The following SORCS3 variants were observed in gnomAD, a reference collection of about 807,000 sequenced individuals.
SORCS3 encodes the protein VPS10 domain-containing receptor SorCS3.
A neutral mutation model predicts 146.3 loss-of-function variants in SORCS3; 57 were observed. That is an observed-to-expected ratio of 0.39 (90% CI 0.31 to 0.49). The LOEUF is 0.49. Among genes scored for constraint, SORCS3 ranks in the 20% least tolerant of loss-of-function variants. The probability of loss-of-function intolerance (pLI) is 0.92; values close to 1 mark genes in which losing one functional copy is unlikely to be tolerated. For synonymous variants in SORCS3, 653 were observed against 618.5 expected (o/e 1.06, Z -0.83); for missense variants, 1,341 against 1,575.5 (o/e 0.85, Z 2.52).
At chr10:104,727,565 A>AT (rs2016652456) in intron 1 of SORCS3, among the ~76,000 whole-genome samples, 2 of 149,792 alleles carry the variant, frequency 1.3e-5, no homozygotes, top group Admixed American at 6.7e-5. Context: ...ATATATATAT[A>AT]AGATGCATAC....
chr10:104,799,439 C>T (rs2017598155), intron 1 of SORCS3, among the ~76,000 whole-genome samples: 1 of 151,952 alleles, frequency 6.6e-6, no homozygotes, highest in Non-Finnish European at 1.5e-5. Context: ...CAAGCTATCA[C>T]AAGATCAGAA....
At chr10:105,089,902 C>A in intron 6 of SORCS3, 63 bp downstream of exon 6, 2 of 1,321,176 alleles carry the variant, frequency 1.5e-6, no homozygotes, top group Non-Finnish European at 2.2e-6. Flanking sequence ...TGTCCTCCCC[C>A]AATTTGCATT....
intron 14 of SORCS3, among the ~76,000 whole-genome samples, chr10:105,186,748 G>A (rs1207548776): frequency 6.6e-6 from 1 of 152,002 alleles, no homozygotes; most frequent in Non-Finnish European, 1.5e-5. Flanking sequence ...GCTGGGCGTA[G>A]TGGTGGGCAC....
At chr10:104,962,662 G>A (rs963464896) in intron 3 of SORCS3, among the ~76,000 whole-genome samples, 1 of 152,170 alleles carries the variant, frequency 6.6e-6, no homozygotes, top group Non-Finnish European at 1.5e-5. Context: ...CCAAGAGCAG[G>A]CAATGCGTAG....
At chr10:104,804,026 A>G (rs2133512193) in intron 1 of SORCS3, among the ~76,000 whole-genome samples, 1 of 152,254 alleles carries the variant, frequency 6.6e-6, no homozygotes, top group East Asian at 1.9e-4. Context: ...TCTATTCACA[A>G]GTTTGTGGAG....
At chr10:104,675,712 G>A (rs903271520) in intron 1 of SORCS3, among the ~76,000 whole-genome samples, 1 of 152,142 alleles carries the variant, frequency 6.6e-6, no homozygotes, top group Non-Finnish European at 1.5e-5. Context: ...TGGTTCCATT[G>A]CTCTATTTTC....
chr10:104,972,734 G>A (rs1346052614), intron 3 of SORCS3, among the ~76,000 whole-genome samples: 1 of 152,134 alleles, frequency 6.6e-6, no homozygotes, highest in East Asian at 1.9e-4. Context: ...ACACTATGTT[G>A]AATAGGAGTG....
intron 5 of SORCS3, among the ~76,000 whole-genome samples, chr10:105,082,672 C>T (rs1289248707): frequency 6.6e-6 from 1 of 152,144 alleles, no homozygotes; most frequent in Non-Finnish European, 1.5e-5. Context: ...TTTCCCCAGT[C>T]ATTAATGTTA....
At chr10:104,937,670 C>T (rs2019273981) in intron 3 of SORCS3, among the ~76,000 whole-genome samples, 1 of 152,184 alleles carries the variant, frequency 6.6e-6, no homozygotes, top group South Asian at 2.1e-4. Flanking sequence ...GCAACCCTTC[C>T]CCACTCCAGC....
rs532775312 is a variant in SORCS3 at position 104,771,699 on chromosome 10, A to G, written c.628-71093A>G. ...GGTGCAAAGTTTGGTACAAGTGCCA[A>G]TGCACTCAAAGGATAAGGAGTAGTC... On this transcript the variant is annotated intron_variant, in intron 1 of 26. Coordinates refer to ENST00000369701, the MANE Select transcript of SORCS3 (RefSeq NM_014978.3). 2.0e-5 allele frequency among the ~76,000 whole-genome samples: 3 copies of G among 152,220 alleles called. No individual in the cohort carries two copies. In the South Asian group the frequency reaches 6.2e-4, roughly 32 times the overall value.
intron 3 of SORCS3, among the ~76,000 whole-genome samples, chr10:104,942,254 A>G (rs190706455): frequency 6.6e-6 from 1 of 152,292 alleles, no homozygotes; most frequent in African/African-American, 2.4e-5. Flanking sequence ...CTGCTGAAAT[A>G]TTTTGGAATA....
intron 5 of SORCS3, among the ~76,000 whole-genome samples, chr10:105,068,333 C>T (rs144430653): frequency 3.8e-4 from 58 of 152,308 alleles, no homozygotes; most frequent in African/African-American, 1.4e-3. Flanking sequence ...TCCCTCTGAA[C>T]AGCAGGGTCC....
At chr10:104,835,285 T>C (rs1720831041) in intron 1 of SORCS3, among the ~76,000 whole-genome samples, 1 of 152,108 alleles carries the variant, frequency 6.6e-6, no homozygotes, top group Non-Finnish European at 1.5e-5. Flanking sequence ...CCCCGAAGTG[T>C]ATGTTTTAGC....
chr10:104,974,737 T>A (rs1404876409), intron 3 of SORCS3, among the ~76,000 whole-genome samples: 1 of 152,162 alleles, frequency 6.6e-6, no homozygotes, highest in Non-Finnish European at 1.5e-5. Context: ...ATCCTGTCAT[T>A]ATGATGTTAG....
chr10:105,148,525 A>C (rs2056147894), intron 9 of SORCS3, among the ~76,000 whole-genome samples: 1 of 152,136 alleles, frequency 6.6e-6, no homozygotes, highest in Admixed American at 6.6e-5. Flanking sequence ...CCAGTGAAGG[A>C]ACTTGACTGA....
chr10:105,163,859 C>A (rs536776436), intron 11 of SORCS3, among the ~76,000 whole-genome samples: 1 of 147,876 alleles, frequency 6.8e-6, no homozygotes, highest in Admixed American at 6.9e-5. Flanking sequence ...TTCAAACATA[C>A]ACACAGACAC....
At chr10:105,247,174 C>T (rs367735591) in intron 21 of SORCS3, 45 bp from the exon 22 acceptor site, 105 of 1,147,750 alleles carry the variant, frequency 9.1e-5, no homozygotes, top group South Asian at 7.8e-4. Context: ...CACCCTCTCT[C>T]TTCTCACTCT....
Position 104,970,207 on chromosome 10 carries a change from C to T in SORCS3, c.796-7128C>T, listed in dbSNP as rs536812330. Among the ~76,000 whole-genome samples the T allele has an allele frequency of 1.4e-4, 21 of 152,092 alleles. No individual in the cohort carries two copies. In the East Asian group the frequency reaches 2.7e-3, roughly 20 times the overall value. ...TGCCACCCAGGCTGGAGTGCAGTGG[C>T]GTGATCTTGGCTCACTGCAACCTCC... On this transcript the variant is annotated intron_variant, in intron 3 of 26. Transcript: ENST00000369701.
chr10:105,073,761 G>T (rs2055572287), intron 5 of SORCS3, among the ~76,000 whole-genome samples: 1 of 152,100 alleles, frequency 6.6e-6, no homozygotes, highest in Non-Finnish European at 1.5e-5. Context: ...TGGGGGTGTG[G>T]CATCAGAAAA....
Sources: allele counts gnomAD v4.1 joint callset (sites outside exome capture counted in the v4.1 genomes callset), GRCh38; gene constraint gnomAD v4.1.1; transcripts MANE v1.5; gene names NCBI Gene and HGNC (gene_info 2026-07-23, HGNC 2026-07-21).